Variants in NUP98 observed in about 807,000 individuals in gnomAD.
NUP98 encodes nucleoporin 98 and 96 precursor, also known as nuclear pore complex protein Nup98-Nup96.
Under a neutral mutation model 191.9 loss-of-function variants are expected in NUP98, and 26 were observed. The observed-to-expected ratio is 0.14, with a 90% confidence interval of 0.10 to 0.19. The LOEUF (loss-of-function observed/expected upper bound fraction) is 0.19. NUP98 is among the 10% of genes least tolerant of loss of function. NUP98 has a pLI of 1.00. For synonymous variants in NUP98, 808 were observed against 778.4 expected (o/e 1.04, Z -0.63); for missense variants, 1,941 against 2,178.8 (o/e 0.89, Z 2.17).
chr11:3,765,202 T>C (rs2081296402), intron 8 of NUP98, among the ~76,000 whole-genome samples: 1 of 152,190 alleles, frequency 6.6e-6, no homozygotes. Context: ...CATCTTTGTT[T>C]GTTTAGAGAT....
chr11:3,715,393 A>G (rs1424426066), intron 18 of NUP98, among the ~76,000 whole-genome samples: 1 of 151,452 alleles, frequency 6.6e-6, no homozygotes, highest in African/African-American at 2.4e-5. Context: ...TCGGCCTCCC[A>G]AAGTGTTGGG....
At position 3,744,665 on chromosome 11, in the gene NUP98, G is replaced by A. The variant is rs368788597; in HGVS notation, c.1268-16C>T. 9 of 1,587,100 alleles carry A rather than the reference G, an allele frequency of 5.7e-6. No individual in the cohort carries two copies. The highest frequency in any genetic ancestry group is 1.4e-5 in the African/African-American group (1 of 73,042). The stretch of plus-strand genomic sequence containing the variant: ...GCACCAAGAGCTACGGAGACAAGAG[G>A]AAAGAAAAAAGCACCACAGAAGATC... On this transcript the variant is annotated splice_polypyrimidine_tract_variant and intron_variant, in intron 11 of 32. Coordinates refer to ENST00000324932, the MANE Select transcript of NUP98 (RefSeq NM_016320.5).
chr11:3,732,130 C>A (rs771226226), intron 13 of NUP98, among the ~76,000 whole-genome samples: 3 of 152,148 alleles, frequency 2.0e-5, no homozygotes, highest in Non-Finnish European at 2.9e-5. Context: ...CACCTGTAAT[C>A]CCAGCTACTG....
intron 24 of NUP98, among the ~76,000 whole-genome samples, chr11:3,699,744 A>T (rs1179760745): frequency 6.6e-6 from 1 of 152,242 alleles, no homozygotes; most frequent in Admixed American, 6.5e-5. Context: ...TAACTTACAC[A>T]TTTGAAAAGA....
chr11:3,766,996 G>A (rs1040123178), intron 8 of NUP98, among the ~76,000 whole-genome samples: 2 of 151,976 alleles, frequency 1.3e-5, no homozygotes, highest in East Asian at 1.9e-4. Context: ...ACAGAGTCCC[G>A]CTCTGTCACC....
chr11:3,756,267 T>C (rs980940558), intron 10 of NUP98, among the ~76,000 whole-genome samples: 16 of 152,180 alleles, frequency 1.1e-4, no homozygotes, highest in African/African-American at 3.9e-4. Flanking sequence ...AATCCCAACT[T>C]ACACTGTTTA....
In NUP98 at chr11:3,706,595, C is replaced by T. The variant is rs767808242; in HGVS notation, c.2775G>A (p.Arg925=). Residue 925 remains arginine (R), a synonymous_variant, in exon 21 of 33, where the codon AGG becomes AGA. Transcript: ENST00000324932. The stretch of plus-strand genomic sequence containing the variant: ...CCATGTCACTGTCCAGTTCCACAAC[C>T]CTCCCTAACTGCTCCACCTCTGGGC... ...SQSPEVEQLG[R]VVELDSDMVD... The T allele has an allele frequency of 5.1e-5, 82 of 1,613,874 alleles. No homozygotes were observed. Among genetic ancestry groups the T allele is most frequent in the Non-Finnish European group, 6.5e-5 (77 of 1,180,010 alleles).
Position 3,699,210 on chromosome 11 carries a change from G to A in NUP98, c.3881C>T (p.Ser1294Phe). 1 of 1,614,170 alleles carries A rather than the reference G, an allele frequency of 6.2e-7. No homozygotes were observed. The highest frequency in any genetic ancestry group is 8.5e-7 in the Non-Finnish European group (1 of 1,180,042). The change falls in exon 25 of 33, where the codon TCC becomes TTC. Residue 1294 changes from serine to phenylalanine, a missense_variant. Physicochemically the swap from Ser to Phe is radical, Grantham distance 155. Coordinates refer to ENST00000324932, the MANE Select transcript of NUP98 (RefSeq NM_016320.5). ...ERRRAFSRWL[S>F]CTATPQIEEE... ...TTCAATCTGAGGTGTGGCAGTACAGGATAGCCAGCGGGAGAAAGCTCTTCT... is the reference window on the plus strand; with the variant it reads ...TTCAATCTGAGGTGTGGCAGTACAGAATAGCCAGCGGGAGAAAGCTCTTCT...
intron 12 of NUP98, among the ~76,000 whole-genome samples, chr11:3,744,127 A>G (rs1156321865): frequency 1.3e-5 from 2 of 152,242 alleles, no homozygotes; most frequent in Non-Finnish European, 2.9e-5. Flanking sequence ...TAAATTTAGT[A>G]AACATAATTA....
At chr11:3,771,451 C>CA (rs1491066665) in intron 7 of NUP98, among the ~76,000 whole-genome samples, 2 of 152,156 alleles carry the variant, frequency 1.3e-5, no homozygotes, top group Non-Finnish European at 2.9e-5. Flanking sequence ...TTTTTAGACT[C>CA]AGTTTCCACT....
Position 3,770,686 on chromosome 11 carries a change from T to C in NUP98, c.784+1062A>G, listed in dbSNP as rs2081500778. ...GGCAAGTATATAACCTCTGGTTATT[T>C]AGTTTTCTGTATTTTGTGAACTTTG... On this transcript the variant is annotated intron_variant, in intron 7 of 32. Transcript: ENST00000324932. Among the ~76,000 whole-genome samples, 2 of 152,178 alleles carry C rather than the reference T, an allele frequency of 1.3e-5. 1 individual carries two copies. Among genetic ancestry groups the C allele is most frequent in the South Asian group, 4.1e-4 (2 of 4,832 alleles).
chr11:3,702,804 T>C lies in NUP98; in HGVS notation c.3171A>G (p.Ala1057=), dbSNP rs753120017. 34 of 1,614,174 alleles carry C rather than the reference T, an allele frequency of 2.1e-5. No homozygotes were observed. The highest frequency in any genetic ancestry group is 2.8e-5 in the Non-Finnish European group (33 of 1,180,024). The change falls in exon 23 of 33, where the codon GCA becomes GCG. Residue 1057 remains alanine (A), a synonymous_variant. Coordinates refer to ENST00000324932, the MANE Select transcript of NUP98 (RefSeq NM_016320.5). ...SVQECRTPRA[A]SLMNIPSTSS... ...ATGTGGATGGGATATTCATTAAAGA[T>C]GCTGCTCTGGGAGTACGACATTCTT...
chr11:3,693,589 C>T (rs571028215), intron 26 of NUP98, among the ~76,000 whole-genome samples: 6 of 152,240 alleles, frequency 3.9e-5, no homozygotes, highest in African/African-American at 1.2e-4. Flanking sequence ...TACAGAGTTG[C>T]ACTGTGTGGC....
At chr11:3,773,077 G>A (rs1291578855) in intron 6 of NUP98, among the ~76,000 whole-genome samples, 1 of 152,022 alleles carries the variant, frequency 6.6e-6, no homozygotes, top group Non-Finnish European at 1.5e-5. Context: ...CATACACATT[G>A]CCCAGTGTAA....
chr11:3,711,707 C>G (rs1216505203), intron 20 of NUP98: 5 of 323,654 alleles, frequency 1.5e-5, no homozygotes, highest in Non-Finnish European at 2.3e-5. Flanking sequence ...ATGGAGATTT[C>G]TTAGGGGCAT....
intron 8 of NUP98, among the ~76,000 whole-genome samples, chr11:3,764,028 T>C (rs1018668955): frequency 5.3e-4 from 80 of 152,332 alleles, no homozygotes; most frequent in African/African-American, 1.8e-3. Flanking sequence ...AATTCACTCA[T>C]TTACAGTGGA....
chr11:3,768,139 T>C (rs2957868), intron 8 of NUP98, among the ~76,000 whole-genome samples: 131,852 of 152,122 alleles, frequency 0.87, 57,399 homozygotes, highest in East Asian at 0.97. Context: ...ACTTTGTTCT[T>C]GGCCGGGCAC....
At chr11:3,758,919 G>A (rs147611427) in intron 10 of NUP98, among the ~76,000 whole-genome samples, 2 of 152,316 alleles carry the variant, frequency 1.3e-5, no homozygotes, top group African/African-American at 4.8e-5. Context: ...GGCAGTGAAT[G>A]AGCAAAATGA....
At chr11:3,789,212 T>G (rs1382622696) in intron 1 of NUP98, among the ~76,000 whole-genome samples, 1 of 152,150 alleles carries the variant, frequency 6.6e-6, no homozygotes, top group Non-Finnish European at 1.5e-5. Context: ...AACAGGTATT[T>G]TACAGGTATT....
Sources: allele counts gnomAD v4.1 joint callset (sites outside exome capture counted in the v4.1 genomes callset), GRCh38; gene constraint gnomAD v4.1.1; transcripts MANE v1.5; gene names NCBI Gene and HGNC (gene_info 2026-07-23, HGNC 2026-07-21).